TTLL5: variants seen among roughly 807,000 people sequenced by gnomAD.
TTLL5 encodes the protein tubulin tyrosine ligase like 5, also known as tubulin polyglutamylase TTLL5.
A neutral mutation model predicts 168.4 loss-of-function variants in TTLL5; 132 were observed. The observed-to-expected ratio is 0.78, with a 90% CI of 0.68 to 0.91. TTLL5 has a LOEUF of 0.91. Ranked by LOEUF, TTLL5 falls within the 40% of genes least tolerant of loss-of-function variation. TTLL5 has a pLI of 0.00. For synonymous variants in TTLL5, 546 were observed against 558.6 expected (o/e 0.98, Z 0.32); for missense variants, 1,545 against 1,581.5 (o/e 0.98, Z 0.39).
At chr14:75,774,945 T>G (rs564762574) in intron 21 of TTLL5, among the ~76,000 whole-genome samples, 12 of 152,106 alleles carry the variant, frequency 7.9e-5, no homozygotes, top group Non-Finnish European at 1.5e-4. Context: ...CACCTCAGCT[T>G]CCCAAATTGC....
intron 13 of TTLL5, 102 bp from the exon 14 acceptor site, chr14:75,733,887 A>C: frequency 9.0e-7 from 1 of 1,107,322 alleles, no homozygotes; most frequent in Non-Finnish European, 1.3e-6. Context: ...GTTGCTCTTC[A>C]TTGACATTTG....
chr14:75,771,926 T>TC, intron 21 of TTLL5, 72 bp downstream of exon 21: 2 of 978,074 alleles, frequency 2.0e-6, no homozygotes, highest in Non-Finnish European at 3.0e-6. Context: ...TTTTTTTTTT[T>TC]CCTATTAGGG....
intron 27 of TTLL5, among the ~76,000 whole-genome samples, chr14:75,797,673 A>G (rs1038594416): frequency 1.3e-5 from 2 of 152,096 alleles, no homozygotes; most frequent in African/African-American, 4.8e-5. Context: ...TGAGATTACC[A>G]TGTGATTTTT....
At chr14:75,949,786 G>A (rs2034898017) in intron 31 of TTLL5, among the ~76,000 whole-genome samples, 2 of 151,668 alleles carry the variant, frequency 1.3e-5, no homozygotes, top group East Asian at 3.9e-4. Flanking sequence ...GGAGATGGAA[G>A]CTGCAGTGAG....
intron 31 of TTLL5, among the ~76,000 whole-genome samples, chr14:75,936,648 G>A (rs947237020): frequency 6.6e-6 from 1 of 152,186 alleles, no homozygotes; most frequent in Non-Finnish European, 1.5e-5. Flanking sequence ...TCCCTAAGAA[G>A]GACTGGGATC....
chr14:75,747,613 T>G (rs1889692262), intron 17 of TTLL5, among the ~76,000 whole-genome samples: 1 of 152,146 alleles, frequency 6.6e-6, no homozygotes, highest in Admixed American at 6.5e-5. Flanking sequence ...TAAGCATTGT[T>G]ATGGTTTGTT....
At chr14:75,666,179 T>C (rs1883245525) in intron 2 of TTLL5, among the ~76,000 whole-genome samples, 1 of 152,238 alleles carries the variant, frequency 6.6e-6, no homozygotes, top group African/African-American at 2.4e-5. Context: ...ATTTTAAAAG[T>C]TGATTTAGAA....
intron 29 of TTLL5, among the ~76,000 whole-genome samples, chr14:75,877,791 A>G (rs532875326): frequency 6.6e-6 from 1 of 152,222 alleles, no homozygotes; most frequent in Non-Finnish European, 1.5e-5. Context: ...GGAGCAGTTC[A>G]GTTGGTGGGG....
At chr14:75,859,711 G>C (rs1490360442) in intron 28 of TTLL5, among the ~76,000 whole-genome samples, 2 of 152,182 alleles carry the variant, frequency 1.3e-5, no homozygotes, top group Admixed American at 1.3e-4. Context: ...GTTCAAGAAT[G>C]GGATGGAATT....
chr14:75,685,750 T>C (rs1286468367), intron 5 of TTLL5, among the ~76,000 whole-genome samples: 1 of 152,216 alleles, frequency 6.6e-6, no homozygotes, highest in East Asian at 1.9e-4. Context: ...CTAGTTACCT[T>C]ACCTTTCCAG....
At chr14:75,708,571 T>C (rs1886818291) in intron 9 of TTLL5, among the ~76,000 whole-genome samples, 1 of 152,010 alleles carries the variant, frequency 6.6e-6, no homozygotes, top group African/African-American at 2.4e-5. Context: ...GTGATCCGCC[T>C]GCCTCAGCCT....
intron 31 of TTLL5, among the ~76,000 whole-genome samples, chr14:75,926,196 G>A (rs897153496): frequency 3.2e-5 from 1 of 30,856 alleles, no homozygotes; most frequent in African/African-American, 1.4e-4. Context: ...CTTTCCATTT[G>A]CCTGGTAGAT....
chr14:75,672,489 C>T (rs551371534), intron 3 of TTLL5, among the ~76,000 whole-genome samples: 26 of 151,932 alleles, frequency 1.7e-4, no homozygotes, highest in Non-Finnish European at 2.4e-4. Flanking sequence ...ATGATCCACC[C>T]GCCTCGGCCT....
At chr14:75,700,925 AG>A (rs1356544090) in intron 7 of TTLL5, among the ~76,000 whole-genome samples, 1 of 150,168 alleles carries the variant, frequency 6.7e-6, no homozygotes, top group African/African-American at 2.5e-5. Flanking sequence ...GATATTTGGC[AG>A]GCATTTTCAG....
At chr14:75,835,638 A>G (rs1433752728) in intron 28 of TTLL5, 1 of 152,252 alleles carries the variant, frequency 6.6e-6, no homozygotes. Context: ...AATATTTGCA[A>G]ACTAACCATC....
intron 30 of TTLL5, among the ~76,000 whole-genome samples, chr14:75,892,984 C>T (rs2032474546): frequency 6.6e-6 from 1 of 152,030 alleles, no homozygotes; most frequent in South Asian, 2.1e-4. Context: ...GGAATGATTC[C>T]CATTCAAAAT....
intron 26 of TTLL5, among the ~76,000 whole-genome samples, chr14:75,789,732 G>C (rs551654580): frequency 1.3e-5 from 2 of 152,058 alleles, no homozygotes; most frequent in Middle Eastern, 3.2e-3. Flanking sequence ...TAAATAAATG[G>C]ATAAATATAC....
chr14:75,753,903 TG>T (rs1345298887), intron 18 of TTLL5, among the ~76,000 whole-genome samples: 1 of 152,232 alleles, frequency 6.6e-6, no homozygotes, highest in Non-Finnish European at 1.5e-5. Context: ...TTCATTATTT[TG>T]GTTATGCAGT....
intron 30 of TTLL5, among the ~76,000 whole-genome samples, chr14:75,898,381 T>A (rs1191010735): frequency 6.6e-6 from 1 of 152,144 alleles, no homozygotes; most frequent in African/African-American, 2.4e-5. Flanking sequence ...GTGGCTTATA[T>A]CTATAGTCCC....
Sources: allele counts gnomAD v4.1 joint callset (sites outside exome capture counted in the v4.1 genomes callset), GRCh38; gene constraint gnomAD v4.1.1; transcripts MANE v1.5; gene names NCBI Gene and HGNC (gene_info 2026-07-23, HGNC 2026-07-21).